MGAT4D: variants seen among roughly 807,000 people sequenced by gnomAD.
MGAT4D encodes the protein MGAT4 family member D.
A neutral mutation model predicts 15.9 loss-of-function variants in MGAT4D; 34 were observed. The ratio of observed to expected loss-of-function variants is 2.14; its 90% CI spans 1.62 to 2.84. The LOEUF is 2.84. MGAT4D is among the 30% of genes most tolerant of loss of function. MGAT4D has a pLI of 0.00. For synonymous variants in MGAT4D, 112 were observed against 48.2 expected, an observed-to-expected ratio of 2.33 and a Z score of -5.49; for missense variants, 327 against 140.2, an observed-to-expected ratio of 2.33 and a Z score of -6.73.
At chr4:140,480,010 T>C (rs1732591334) in intron 2 of MGAT4D, among the ~76,000 whole-genome samples, 1 of 152,144 alleles carries the variant, frequency 6.6e-6, no homozygotes, top group South Asian at 2.1e-4. Context: ...ATTTAATGAC[T>C]ATATTTGTAA....
intron 1 of MGAT4D, among the ~76,000 whole-genome samples, chr4:140,493,243 T>C (rs1190454936): frequency 6.6e-6 from 1 of 151,636 alleles, no homozygotes; most frequent in Non-Finnish European, 1.5e-5. Flanking sequence ...CTCATGATGA[T>C]ACTACGGTAC....
At chr4:140,475,334 C>G (rs1251310884) in intron 3 of MGAT4D, among the ~76,000 whole-genome samples, 2 of 152,132 alleles carry the variant, frequency 1.3e-5, no homozygotes, top group Admixed American at 1.3e-4. Context: ...GAAAAAATTA[C>G]TATGAAATAT....
At chr4:140,480,377 AT>A (rs373284787) in intron 2 of MGAT4D, among the ~76,000 whole-genome samples, 2,060 of 152,282 alleles carry the variant, frequency 0.014, 15 homozygotes, top group South Asian at 0.035. Flanking sequence ...AAACCTATGA[AT>A]TTTTTTAAAA....
chr4:140,498,239 C>A lies in MGAT4D; in HGVS notation c.-17G>T. On this transcript the variant is annotated 5_prime_UTR_variant, in exon 1 of 11. Transcript: ENST00000511113. ...GGTCCTCATGGCCCTGGCCAGGCTG[C>A]GGGAGGCCGGCGGGTGGAGGCGGCG... The A allele has an allele frequency of 1.4e-6, 1 of 701,444 alleles. No homozygotes were observed. The highest frequency in any genetic ancestry group is 2.6e-6 in the Non-Finnish European group (1 of 384,086). The allele number at this position is 701,444 out of a possible 1,614,324, so 43.5% of individuals were successfully genotyped here.
At chr4:140,488,931 G>C (rs1243304311) in intron 1 of MGAT4D, among the ~76,000 whole-genome samples, 2 of 152,102 alleles carry the variant, frequency 1.3e-5, no homozygotes, top group African/African-American at 4.8e-5. Flanking sequence ...ATGAGTAAAA[G>C]CTCCCTGAGA....
chr4:140,456,504 G>T, intron 9 of MGAT4D, 85 bp downstream of exon 9: 1 of 456,288 alleles, frequency 2.2e-6, no homozygotes, highest in Non-Finnish European at 3.9e-6. Context: ...TATCAGATTT[G>T]GTTTGGTAAA....
At chr4:140,445,445 G>T (rs543416639) in intron 10 of MGAT4D, among the ~76,000 whole-genome samples, 1 of 151,976 alleles carries the variant, frequency 6.6e-6, no homozygotes, top group Non-Finnish European at 1.5e-5. Context: ...CAAATACATA[G>T]TTTTTAAAAA....
intron 1 of MGAT4D, among the ~76,000 whole-genome samples, chr4:140,491,138 A>G (rs1319522156): frequency 6.6e-6 from 1 of 152,212 alleles, no homozygotes; most frequent in Non-Finnish European, 1.5e-5. Flanking sequence ...ATTCCACAGG[A>G]CATTTCAATT....
At chr4:140,494,289 G>A (rs1003286406) in intron 1 of MGAT4D, among the ~76,000 whole-genome samples, 5 of 152,218 alleles carry the variant, frequency 3.3e-5, no homozygotes, top group Non-Finnish European at 7.3e-5. Context: ...ATGTGGGAAT[G>A]ATAACTTCAA....
In MGAT4D at chr4:140,451,417, T is replaced by C; in HGVS notation, c.1109A>G (p.Tyr370Cys). The change falls in exon 10 of 11, where the codon TAT (tyrosine) becomes TGT (cysteine). Residue 370 changes from tyrosine to cysteine, a missense_variant. Transcript: ENST00000511113. ...TACATTTCAAAATCTTACTTTTTCA[T>C]ATTGTTCTTTTCTAGGGAATGATGA... ...IHSSFPRKEQ[Y>C]EKKI 1 of 595,822 alleles carries C rather than the reference T, an allele frequency of 1.7e-6. No individual in the cohort carries two copies. Among genetic ancestry groups the C allele is most frequent in the Non-Finnish European group, 3.0e-6 (1 of 330,132 alleles). 36.9% of individuals were successfully genotyped at this position (595,822 alleles called of 1,614,324 possible). A position where few individuals can be genotyped will look rare whatever the true frequency, so the allele number is the denominator to read the frequency against.
chr4:140,468,070 TATA>T (rs1731663804), intron 5 of MGAT4D, among the ~76,000 whole-genome samples: 1 of 151,968 alleles, frequency 6.6e-6, no homozygotes, highest in Admixed American at 6.5e-5. Flanking sequence ...ATTATTCTAT[TATA>T]ATTTAATAGT....
chr4:140,462,069 T>C (rs904414794), intron 6 of MGAT4D, 65 bp from the exon 7 acceptor site: 5 of 657,988 alleles, frequency 7.6e-6, no homozygotes, highest in Non-Finnish European at 1.1e-5. Flanking sequence ...AAGCATACTT[T>C]AGTAATTAAA....
chr4:140,469,787 T>C (rs1007501838), intron 5 of MGAT4D, among the ~76,000 whole-genome samples: 6 of 152,220 alleles, frequency 3.9e-5, no homozygotes, highest in African/African-American at 1.4e-4. Context: ...GGAATAACTC[T>C]CAATAGTTCT....
At chr4:140,456,080 G>C (rs1302932510) in intron 9 of MGAT4D, among the ~76,000 whole-genome samples, 1 of 152,180 alleles carries the variant, frequency 6.6e-6, no homozygotes, top group Non-Finnish European at 1.5e-5. Context: ...TGAGGCTGCA[G>C]TGAGCTGTGA....
intron 5 of MGAT4D, among the ~76,000 whole-genome samples, chr4:140,466,848 G>A (rs187049383): frequency 1.1e-4 from 16 of 152,116 alleles, no homozygotes; most frequent in Admixed American, 1.0e-3. Context: ...TTTTATAATG[G>A]GTATGTATCA....
chr4:140,467,721 A>T (rs1397523201), intron 5 of MGAT4D, among the ~76,000 whole-genome samples: 1 of 152,132 alleles, frequency 6.6e-6, no homozygotes, highest in Non-Finnish European at 1.5e-5. Flanking sequence ...GACTGGAGAA[A>T]ATAATATAAC....
intron 10 of MGAT4D, 146 bp downstream of exon 10, chr4:140,451,264 T>G: frequency 2.8e-6 from 1 of 362,498 alleles, no homozygotes; most frequent in Non-Finnish European, 4.9e-6. Flanking sequence ...ATAAATGCTC[T>G]TCACAACATA....
chr4:140,448,370 C>G (rs1019750260), intron 10 of MGAT4D, among the ~76,000 whole-genome samples: 2 of 152,246 alleles, frequency 1.3e-5, no homozygotes, highest in East Asian at 3.9e-4. Flanking sequence ...TGTACATAAT[C>G]TCATATTTCT....
intron 3 of MGAT4D, among the ~76,000 whole-genome samples, chr4:140,475,889 G>A (rs1732293012): frequency 7.2e-6 from 1 of 138,190 alleles, no homozygotes; most frequent in South Asian, 2.3e-4. Context: ...TCAGCTCACT[G>A]CAACCTCCAC....
Sources: gnomAD v4.1 joint callset for allele counts (sites outside exome capture counted in the v4.1 genomes callset) on GRCh38, gnomAD v4.1.1 for gene constraint, MANE v1.5 for transcripts, NCBI Gene and HGNC (gene_info 2026-07-23, HGNC 2026-07-21) for gene names.